Variants in ANKRD28 observed in about 807,000 individuals in gnomAD.
The protein encoded by ANKRD28 is ankyrin repeat domain 28, also known as serine/threonine-protein phosphatase 6 regulatory ankyrin repeat subunit A.
A neutral mutation model predicts 126.5 loss-of-function variants in ANKRD28; 44 were observed. That is an observed-to-expected ratio of 0.35 (90% CI 0.27 to 0.45). The LOEUF is 0.45. Ranked by LOEUF, ANKRD28 falls within the 20% of genes least tolerant of loss-of-function variation. The probability of loss-of-function intolerance (pLI) is 1.00; values close to 1 mark genes in which losing one functional copy is unlikely to be tolerated. For synonymous variants in ANKRD28, 442 were observed against 468.5 expected, an observed-to-expected ratio of 0.94 and a Z score of 0.73; for missense variants, 1,110 against 1,316.6, an observed-to-expected ratio of 0.84 and a Z score of 2.43.
At position 15,690,189 on chromosome 3, in the gene ANKRD28, A is replaced by C; in HGVS notation, c.1793T>G (p.Val598Gly). Residue 598 changes from valine to glycine, a missense_variant, in exon 18 of 28, where the codon GTG (valine) becomes GGG (glycine). Transcript: ENST00000683139. ...AAGATCTAACAAAGACTGTACCAAC[A>C]CTTCCAGTGCTTGATGGTGACCATG... ...AYHGHHQALE[V>G]LVQSLLDLDV... is the part of the protein sequence containing the mutation. 1 of 1,605,952 alleles carries C rather than the reference A, an allele frequency of 6.2e-7. No individual in the cohort carries two copies. Among genetic ancestry groups the C allele is most frequent in the Non-Finnish European group, 8.5e-7 (1 of 1,175,802 alleles).
At chr3:15,776,743 C>CAAATGTTTTACAA (rs538938008) in intron 2 of ANKRD28, among the ~76,000 whole-genome samples, 200 of 152,194 alleles carry the variant, frequency 1.3e-3, no homozygotes, top group Middle Eastern at 6.8e-3. Context: ...ATTTGTTTTA[C>CAAATGTTTTACAA]ATAAGTTTAT....
intron 18 of ANKRD28, 198 bp downstream of exon 18, chr3:15,689,821 T>C: frequency 5.3e-6 from 3 of 562,322 alleles, no homozygotes; most frequent in Non-Finnish European, 9.3e-6. Flanking sequence ...ATACTCCTAA[T>C]GTTTATGAAT....
intron 1 of ANKRD28, among the ~76,000 whole-genome samples, chr3:15,813,160 G>A (rs574711803): frequency 6.6e-6 from 1 of 151,240 alleles, no homozygotes; most frequent in South Asian, 2.1e-4. Flanking sequence ...GAGCCCAGGT[G>A]TTCAAGACCA....
intron 14 of ANKRD28, among the ~76,000 whole-genome samples, chr3:15,698,895 A>C (rs954628687): frequency 1.3e-5 from 2 of 152,200 alleles, no homozygotes; most frequent in East Asian, 1.9e-4. Context: ...AACTACTTTA[A>C]AGTTCATATG....
intron 3 of ANKRD28, among the ~76,000 whole-genome samples, chr3:15,765,288 G>C (rs1408555246): frequency 6.6e-6 from 1 of 151,964 alleles, no homozygotes; most frequent in Non-Finnish European, 1.5e-5. Flanking sequence ...ATATTATAAA[G>C]ACTTAAATAG....
chr3:15,749,256 G>A (rs956963841), intron 4 of ANKRD28, among the ~76,000 whole-genome samples: 4 of 150,640 alleles, frequency 2.7e-5, no homozygotes, highest in East Asian at 2.0e-4. Flanking sequence ...GACTACAGGC[G>A]CCCGCCACCG....
At chr3:15,758,244 T>C (rs1471505362) in intron 3 of ANKRD28, among the ~76,000 whole-genome samples, 1 of 152,184 alleles carries the variant, frequency 6.6e-6, no homozygotes, top group East Asian at 1.9e-4. Flanking sequence ...TTATCCCTCT[T>C]CCCAAACTGG....
At chr3:15,852,908 T>C (rs968505908) in intron 1 of ANKRD28, among the ~76,000 whole-genome samples, 5 of 147,058 alleles carry the variant, frequency 3.4e-5, no homozygotes, top group Non-Finnish European at 6.0e-5. Context: ...CAAAAGCTAA[T>C]AGGCATAATA....
chr3:15,694,615 A>T, intron 17 of ANKRD28, 124 bp downstream of exon 17: 1 of 605,316 alleles, frequency 1.7e-6, no homozygotes, highest in Non-Finnish European at 2.7e-6. Flanking sequence ...TCAAAGTTTT[A>T]ATTCCATGAT....
In ANKRD28 at chr3:15,839,279, A is replaced by C. The variant is rs1248964989; in HGVS notation, c.27+20098T>G. ...AATTATACCTCAATAAACTGTTAAA[A>C]AAAAAACACACTGATCTAACCAATC... On this transcript the variant is annotated intron_variant, in intron 1 of 27. Transcript: ENST00000399451. The surrounding 1 kb of genome is among the most constrained non-coding windows in gnomAD (Gnocchi z 4.3). 6.6e-6 allele frequency among the ~76,000 whole-genome samples: 1 copy of C among 152,208 alleles called. No homozygotes were observed. Among genetic ancestry groups the C allele is most frequent in the African/African-American group, 2.4e-5 (1 of 41,452 alleles).
At chr3:15,809,467 A>G (rs1292376453) in intron 1 of ANKRD28, among the ~76,000 whole-genome samples, 3 of 152,222 alleles carry the variant, frequency 2.0e-5, no homozygotes, top group Admixed American at 2.0e-4. Context: ...TCGTTCAGGA[A>G]AGAGCACATG....
chr3:15,849,508 C>T (rs901954694), intron 1 of ANKRD28, among the ~76,000 whole-genome samples: 4 of 152,160 alleles, frequency 2.6e-5, no homozygotes, highest in Non-Finnish European at 5.9e-5. Flanking sequence ...ACAGGGTGAG[C>T]TAACCTGTCT....
At chr3:15,783,128 T>C (rs771385780) in intron 2 of ANKRD28, among the ~76,000 whole-genome samples, 2 of 151,650 alleles carry the variant, frequency 1.3e-5, no homozygotes, top group African/African-American at 2.4e-5. Context: ...AAAAACACTC[T>C]TAAGAGAATG....
At chr3:15,820,159 T>C (rs1320003081) in intron 1 of ANKRD28, among the ~76,000 whole-genome samples, 3 of 152,176 alleles carry the variant, frequency 2.0e-5, no homozygotes, top group East Asian at 3.8e-4. Flanking sequence ...TCACTAGGAA[T>C]AGAGCAACTT....
chr3:15,824,163 A>G (rs919624345), intron 1 of ANKRD28, among the ~76,000 whole-genome samples: 1 of 152,214 alleles, frequency 6.6e-6, no homozygotes, highest in Non-Finnish European at 1.5e-5. Flanking sequence ...AAAATCCTAA[A>G]GAATGTTTTG....
At chr3:15,806,069 A>G (rs2060570409) in intron 1 of ANKRD28, among the ~76,000 whole-genome samples, 1 of 152,230 alleles carries the variant, frequency 6.6e-6, no homozygotes, top group South Asian at 2.1e-4. Context: ...AGTTCCTTTT[A>G]TCAAAGAGTG....
chr3:15,690,141 C>G lies in ANKRD28; in HGVS notation c.1841G>C (p.Arg614Thr), dbSNP rs990414274. 3.7e-6 allele frequency: 6 copies of G among 1,609,502 alleles called. No individual in the cohort carries two copies. The highest frequency in any genetic ancestry group is 5.1e-6 in the Non-Finnish European group (6 of 1,177,758). ...LDLDVRNSSGRTPLDLAAFKG... is the reference protein window; with the variant it reads ...LDLDVRNSSGTTPLDLAAFKG... ...AAAAGCTGCAAGATCTAGGGGTGTTCTTCCACTACTATTTCTGACATCAAG... is the reference window on the plus strand; with the variant it reads ...AAAAGCTGCAAGATCTAGGGGTGTTGTTCCACTACTATTTCTGACATCAAG... The change falls in exon 18 of 28, where the codon AGA (arginine) becomes ACA (threonine). Residue 614 changes from arginine to threonine, a missense_variant. By Grantham distance (71) the Arg-to-Thr change is moderately conservative. Coordinates refer to ENST00000683139, the MANE Select transcript of ANKRD28 (RefSeq NM_001349278.2).
At position 15,791,833 on chromosome 3, in the gene ANKRD28, C is replaced by T. The variant is rs143598623; in HGVS notation, c.201+3390G>A. ...AGACAACCCACAGAACGAGAGAAAACATTTGCAAACTACCCCTCTGACAGG... is the reference window on the plus strand; with the variant it reads ...AGACAACCCACAGAACGAGAGAAAATATTTGCAAACTACCCCTCTGACAGG... On this transcript the variant is annotated intron_variant, in intron 2 of 27. Transcript: ENST00000683139. Among the ~76,000 whole-genome samples, 407 of 152,188 alleles carry T rather than the reference C, an allele frequency of 2.7e-3. 1 individual carries two copies. The highest frequency in any genetic ancestry group is 9.5e-3 in the African/African-American group (393 of 41,538).
chr3:15,677,584 A>G (rs751359425), intron 24 of ANKRD28, 22 bp from the exon 25 acceptor site: 15 of 1,546,020 alleles, frequency 9.7e-6, no homozygotes, highest in South Asian at 6.8e-5. Flanking sequence ...AAGTGCATCA[A>G]TTCTTATGTT....
Sources: gnomAD v4.1 joint callset for allele counts (sites outside exome capture counted in the v4.1 genomes callset) on GRCh38, gnomAD v4.1.1 for gene constraint, Gnocchi (gnomAD v3.1) non-coding constraint, MANE v1.5 for transcripts, NCBI Gene and HGNC (gene_info 2026-07-23, HGNC 2026-07-21) for gene names.